The following DPT variants were observed in gnomAD, a reference collection of about 807,000 sequenced individuals.
DPT encodes tyrosine-rich acidic matrix protein.
Under a neutral mutation model 31.2 loss-of-function variants are expected in DPT, and 21 were observed. That is an observed-to-expected ratio of 0.67 (90% CI 0.48 to 0.97). The LOEUF (loss-of-function observed/expected upper bound fraction) is 0.97, where lower values mean the gene tolerates loss of function less well. Among genes scored for constraint, DPT ranks in the 50% least tolerant of loss-of-function variants. The pLI is 0.00. For missense variants in DPT, 262 were observed against 258.8 expected, an observed-to-expected ratio of 1.01 and a Z score of -0.08; for synonymous variants, 91 against 86.9, an observed-to-expected ratio of 1.05 and a Z score of -0.26.
intron 1 of DPT, among the ~76,000 whole-genome samples, chr1:168,715,072 C>T (rs956540656): frequency 6.6e-5 from 10 of 152,240 alleles, no homozygotes; most frequent in African/African-American, 2.4e-4. Context: ...TGCAACAGGC[C>T]AACTGAATGC....
intron 1 of DPT, among the ~76,000 whole-genome samples, chr1:168,725,908 C>G (rs1262988955): frequency 2.0e-5 from 3 of 152,190 alleles, no homozygotes; most frequent in African/African-American, 7.2e-5. Context: ...CAACTGTTCC[C>G]TGAGAACAGA....
At chr1:168,708,105 T>C (rs1416924332) in intron 2 of DPT, among the ~76,000 whole-genome samples, 1 of 152,248 alleles carries the variant, frequency 6.6e-6, no homozygotes, top group Non-Finnish European at 1.5e-5. Flanking sequence ...TTACGTATAA[T>C]ACCTAAGATA....
chr1:168,707,854 C>T (rs896086058), intron 2 of DPT, among the ~76,000 whole-genome samples: 1 of 152,172 alleles, frequency 6.6e-6, no homozygotes, highest in East Asian at 1.9e-4. Context: ...CTCCCCAGCC[C>T]TGTGGAACTG....
At chr1:168,703,103 A>G (rs1390407479) in intron 2 of DPT, among the ~76,000 whole-genome samples, 1 of 152,196 alleles carries the variant, frequency 6.6e-6, no homozygotes, top group Non-Finnish European at 1.5e-5. Flanking sequence ...TCCTTACTTC[A>G]GGGAACAAAA....
intron 1 of DPT, among the ~76,000 whole-genome samples, chr1:168,721,007 T>G (rs574734516): frequency 1.3e-5 from 2 of 152,252 alleles, no homozygotes; most frequent in East Asian, 3.9e-4. Flanking sequence ...TACTGATAAG[T>G]AAACACTATG....
At chr1:168,722,346 C>G (rs1650135177) in intron 1 of DPT, among the ~76,000 whole-genome samples, 1 of 152,244 alleles carries the variant, frequency 6.6e-6, no homozygotes, top group East Asian at 1.9e-4. Flanking sequence ...TGATATATTT[C>G]AGAGGCTCTG....
rs1026941532 is a variant in DPT, at chr1:168,696,094, G to T, written c.*455C>A. The stretch of plus-strand genomic sequence containing the variant: ...AGATGTCCCTCAGGGCAGAAAGCCT[G>T]CTTTTGGTGGGGAACCTACGTATCA... On this transcript the variant is annotated 3_prime_UTR_variant, in exon 4 of 4. Coordinates refer to ENST00000367817, the MANE Select transcript of DPT (RefSeq NM_001937.5). 1 of 400,520 alleles carries T rather than the reference G, an allele frequency of 2.5e-6. No individual in the cohort carries two copies. The highest frequency in any genetic ancestry group is 2.1e-5 in the African/African-American group (1 of 48,622). 24.8% of individuals were successfully genotyped at this position (400,520 alleles called of 1,614,324 possible). A position where few individuals can be genotyped will look rare whatever the true frequency, so the allele number is the denominator to read the frequency against.
rs79594970 is a variant in DPT, at chr1:168,728,911, C to T, written c.264G>A (p.Thr88=). Residue 88 remains threonine (T), a synonymous_variant, in exon 1 of 4, where the codon ACG becomes ACA. Coordinates refer to ENST00000367817, the MANE Select transcript of DPT (RefSeq NM_001937.5). ...MPTPQSLGEP[T]ECWWEEINRA... is the part of the protein sequence containing the mutation. ...TGTTGATCTCCTCCCACCAGCACTCCGTGGGTTCCCCGAGGCTCTGTGGCG... is the reference window on the plus strand; with the variant it reads ...TGTTGATCTCCTCCCACCAGCACTCTGTGGGTTCCCCGAGGCTCTGTGGCG... 1.1e-3 allele frequency: 1,839 copies of T among 1,614,208 alleles called. 34 individuals are homozygous for T. In the East Asian group the frequency reaches 0.032, roughly 28 times the overall value.
chr1:168,696,503 T>A lies in DPT; in HGVS notation c.*46A>T. On this transcript the variant is annotated 3_prime_UTR_variant, in exon 4 of 4. Transcript: ENST00000367817. Reference sequence around the variant, plus strand: ...ATGTTAACATATGTGGACACCCTCCTGTCCCCGGCCCCTTTCCTTTCACCC... The same window carrying A: ...ATGTTAACATATGTGGACACCCTCCAGTCCCCGGCCCCTTTCCTTTCACCC... 1 of 1,485,694 alleles carries A rather than the reference T, an allele frequency of 6.7e-7. No individual in the cohort carries two copies. Among genetic ancestry groups the A allele is most frequent in the Non-Finnish European group, 9.1e-7 (1 of 1,103,608 alleles). The allele number at this position is 1,485,694 out of a possible 1,614,324, so 92.0% of individuals were successfully genotyped here. A position where few individuals can be genotyped will look rare whatever the true frequency, so the allele number is the denominator to read the frequency against.
intron 1 of DPT, among the ~76,000 whole-genome samples, chr1:168,726,430 A>G (rs1650243145): frequency 6.6e-6 from 1 of 152,244 alleles, no homozygotes; most frequent in Non-Finnish European, 1.5e-5. Flanking sequence ...AGAATGCAAG[A>G]AAAAGCCAAG....
intron 3 of DPT, among the ~76,000 whole-genome samples, chr1:168,700,356 C>G (rs781041936): frequency 7.7e-4 from 117 of 152,296 alleles, no homozygotes; most frequent in South Asian, 1.7e-3. Context: ...GACTTTCCAG[C>G]TTCCAGAACT....
chr1:168,721,473 C>A (rs924775176), intron 1 of DPT, among the ~76,000 whole-genome samples: 18 of 152,300 alleles, frequency 1.2e-4, no homozygotes, highest in Non-Finnish European at 2.6e-4. Flanking sequence ...GATAGAAAGA[C>A]AGGCTACATC....
chr1:168,711,271 C>T (rs528850035), intron 2 of DPT, among the ~76,000 whole-genome samples: 10 of 151,970 alleles, frequency 6.6e-5, no homozygotes, highest in East Asian at 1.9e-4. Flanking sequence ...CTGCCCACTT[C>T]GGCCTCCCAA....
At chr1:168,709,560 T>A (rs937190648) in intron 2 of DPT, among the ~76,000 whole-genome samples, 1 of 152,156 alleles carries the variant, frequency 6.6e-6, no homozygotes, top group Non-Finnish European at 1.5e-5. Context: ...ATAAATCTCA[T>A]ACTCATTTGG....
intron 2 of DPT, among the ~76,000 whole-genome samples, chr1:168,712,628 T>G (rs1649893840): frequency 6.6e-6 from 1 of 152,178 alleles, no homozygotes; most frequent in Non-Finnish European, 1.5e-5. Flanking sequence ...CTCTCCCCTT[T>G]CATTAGGGCG....
intron 2 of DPT, among the ~76,000 whole-genome samples, chr1:168,708,606 A>G (rs530245041): frequency 1.3e-5 from 2 of 152,306 alleles, no homozygotes; most frequent in East Asian, 1.9e-4. Flanking sequence ...TCTAGGGTAC[A>G]TGTGCACAAT....
intron 2 of DPT, among the ~76,000 whole-genome samples, chr1:168,707,974 T>A (rs541305566): frequency 6.6e-6 from 1 of 152,264 alleles, no homozygotes; most frequent in East Asian, 1.9e-4. Flanking sequence ...CTGCAGGGGA[T>A]TGATTCCAGG....
chr1:168,728,911 C>G lies in DPT; in HGVS notation c.264G>C (p.Thr88=). The change falls in exon 1 of 4, where the codon ACG becomes ACC. Residue 88 remains threonine (T), a synonymous_variant. Coordinates refer to ENST00000367817, the MANE Select transcript of DPT (RefSeq NM_001937.5). ...MPTPQSLGEP[T]ECWWEEINRA... ...TGTTGATCTCCTCCCACCAGCACTC[C>G]GTGGGTTCCCCGAGGCTCTGTGGCG... The G allele has an allele frequency of 6.2e-7, 1 of 1,614,208 alleles. No homozygotes were observed. The highest frequency in any genetic ancestry group is 8.5e-7 in the Non-Finnish European group (1 of 1,180,046).
rs1280944019 is a variant in DPT, at chr1:168,718,930, C to T, written c.306-4584G>A. Among the ~76,000 whole-genome samples, 6 of 152,296 alleles carry T rather than the reference C, an allele frequency of 3.9e-5. No homozygotes were observed. The East Asian group carries it at 1.2e-3, about 29-fold the overall frequency. ...ACACTGGTGGATTCATAGGCCCTCC[C>T]TGAGCTGCTGTTTCCCTAAAACAAA... is the stretch of plus-strand genomic sequence containing the variant. On this transcript the variant is annotated intron_variant, in intron 1 of 3. Transcript: ENST00000367817.
Sources: allele counts gnomAD v4.1 joint callset (sites outside exome capture counted in the v4.1 genomes callset), GRCh38; gene constraint gnomAD v4.1.1; transcripts MANE v1.5; gene names NCBI Gene and HGNC (gene_info 2026-07-23, HGNC 2026-07-21).